Variants in BFSP1 observed in about 807,000 individuals in gnomAD.
BFSP1 encodes filensin.
Under a neutral mutation model 43.9 loss-of-function variants are expected in BFSP1, and 38 were observed. The observed-to-expected ratio is 0.87, with a 90% CI of 0.67 to 1.14. BFSP1 has a LOEUF of 1.14. Among genes scored for constraint, BFSP1 ranks in the 50% most tolerant of loss-of-function variants. BFSP1 has a pLI of 0.00. For synonymous variants in BFSP1, 352 were observed against 354.8 expected (o/e 0.99, Z 0.09); for missense variants, 850 against 875.1 (o/e 0.97, Z 0.36).
upstream of BFSP1, chr20:17,560,222 G>T (rs1184900341): frequency 6.6e-6 from 1 of 152,126 alleles, no homozygotes; most frequent in Non-Finnish European, 1.5e-5. Flanking sequence ...GGTCCATAGG[G>T]TCTAATTTTT....
intron 5 of BFSP1, among the ~76,000 whole-genome samples, chr20:17,508,023 C>T (rs979443344): frequency 1.3e-5 from 2 of 152,208 alleles, no homozygotes; most frequent in African/African-American, 2.4e-5. Context: ...CATTTTTAGA[C>T]AGAGTAACAC....
intron 2 of BFSP1, among the ~76,000 whole-genome samples, 167 bp downstream of exon 2, chr20:17,524,681 A>G (rs2034382777): frequency 2.0e-5 from 3 of 152,148 alleles, no homozygotes; most frequent in Admixed American, 6.5e-5. Context: ...GTGTGAGTTC[A>G]CTCATAAAGA....
At chr20:17,529,466 C>T (rs1258294314) in intron 1 of BFSP1, among the ~76,000 whole-genome samples, 1 of 151,740 alleles carries the variant, frequency 6.6e-6, no homozygotes, top group Non-Finnish European at 1.5e-5. Context: ...AGTTCCTACT[C>T]ACTTATCTCC....
Position 17,494,389 on chromosome 20 carries a change from C to A in BFSP1, c.1683G>T (p.Glu561Asp). 6.2e-7 allele frequency: 1 copy of A among 1,614,252 alleles called. No homozygotes were observed. Among genetic ancestry groups the A allele is most frequent in the South Asian group, 1.1e-5 (1 of 91,084 alleles). ...AELEGPEEKR[E>D]GEERDEESRR... is the part of the protein sequence containing the mutation. ...TGGACTCTTCGTCCCGCTCCTCACC[C>A]TCACGTTTCTCTTCAGGGCCTTCCA... The change falls in exon 8 of 8, where the codon GAG becomes GAT. Residue 561 changes from glutamate (E) to aspartate (D), a missense_variant. Physicochemically the swap from Glu to Asp is conservative, Grantham distance 45 (BLOSUM62 2). Coordinates refer to ENST00000377873, the MANE Select transcript of BFSP1 (RefSeq NM_001195.5).
At chr20:17,500,033 A>C (rs1475950754) in intron 5 of BFSP1, among the ~76,000 whole-genome samples, 1 of 152,250 alleles carries the variant, frequency 6.6e-6, no homozygotes, top group African/African-American at 2.4e-5. Flanking sequence ...AAAATAAGTA[A>C]AAAGAAGCAC....
chr20:17,513,747 TGCCAGGAA>T (rs1174043031), intron 3 of BFSP1, among the ~76,000 whole-genome samples: 2 of 152,308 alleles, frequency 1.3e-5, no homozygotes, highest in Non-Finnish European at 2.9e-5. Flanking sequence ...TGGGCAGTGA[TGCCAGGAA>T]ACATGACGGG....
chr20:17,557,889 G>A (rs2035019710), intron 1 of BFSP1, among the ~76,000 whole-genome samples: 1 of 152,082 alleles, frequency 6.6e-6, no homozygotes, highest in Non-Finnish European at 1.5e-5. Flanking sequence ...TGGATACAAT[G>A]GCCTTTTCAT....
chr20:17,503,402 A>T (rs1039052957), intron 5 of BFSP1, among the ~76,000 whole-genome samples: 2 of 152,158 alleles, frequency 1.3e-5, no homozygotes, highest in Admixed American at 1.3e-4. Flanking sequence ...AAGAGAATGT[A>T]CCCCAGATCA....
intron 5 of BFSP1, among the ~76,000 whole-genome samples, chr20:17,504,910 T>TTTTTTGTTTTTGTTTTTGTTTTTG (rs11473744): frequency 2.2e-5 from 3 of 139,146 alleles, no homozygotes; most frequent in Non-Finnish European, 3.0e-5. Context: ...GTAAGGTTTT[T>TTTTTTGTTTTTGTTTTTGTTTTTG]TTTTTGTTTT....
chr20:17,498,929 G>T lies in BFSP1; in HGVS notation c.847C>A (p.Arg283=). The part of the protein sequence containing the change: ...TLRKEIEETE[R]VLEKSSYDCR... ...TCGTAAGAAGACTTCTCCAGGACCC[G>T]CTCTGTCTCCTCAATCTCCTTGCGC... The change falls in exon 6 of 8, where the codon CGG becomes AGG. Residue 283 remains arginine, a synonymous_variant. Transcript: ENST00000377873. 2 of 1,614,162 alleles carry T rather than the reference G, an allele frequency of 1.2e-6. No homozygotes were observed. The highest frequency in any genetic ancestry group is 1.7e-6 in the Non-Finnish European group (2 of 1,180,030).
In BFSP1 at chr20:17,502,804, C is replaced by T. The variant is rs148950265; in HGVS notation, c.736-3764G>A. On this transcript the variant is annotated intron_variant, in intron 5 of 7. Coordinates refer to ENST00000377873, the MANE Select transcript of BFSP1 (RefSeq NM_001195.5). ...TGTAATAGCAAATACAAGTCAGACA[C>T]ACTAACGCCTGGTGCAGCCACATCT... Among the ~76,000 whole-genome samples the T allele has an allele frequency of 4.0e-3, 602 of 152,260 alleles. 4 individuals carry two copies. Among genetic ancestry groups the T allele is most frequent in the African/African-American group, 0.013 (543 of 41,542 alleles).
At chr20:17,567,816 G>A (rs1340427520) in intron 1 of BFSP1, among the ~76,000 whole-genome samples, 1 of 149,342 alleles carries the variant, frequency 6.7e-6, no homozygotes, top group Non-Finnish European at 1.5e-5. Flanking sequence ...ACCCGAGATC[G>A]CACCATTGCA....
chr20:17,536,151 A>C (rs1464315533), upstream of BFSP1, among the ~76,000 whole-genome samples: 1 of 152,234 alleles, frequency 6.6e-6, no homozygotes, highest in Non-Finnish European at 1.5e-5. Flanking sequence ...TTGAAGGGGA[A>C]AAGAAAAGCA....
At chr20:17,524,719 C>T in intron 2 of BFSP1, 129 bp downstream of exon 2, 1 of 956,012 alleles carries the variant, frequency 1.0e-6, no homozygotes, top group Non-Finnish European at 1.7e-6. Flanking sequence ...AGTCAAGAGA[C>T]AGAGTGACTG....
chr20:17,506,079 C>T (rs1443934943), intron 5 of BFSP1, among the ~76,000 whole-genome samples: 3 of 152,226 alleles, frequency 2.0e-5, no homozygotes, highest in South Asian at 2.1e-4. Context: ...TGAGATGAGA[C>T]GCAGGAAGAG....
At chr20:17,515,025 G>C (rs2034168202) in intron 2 of BFSP1, among the ~76,000 whole-genome samples, 1 of 152,208 alleles carries the variant, frequency 6.6e-6, no homozygotes, top group African/African-American at 2.4e-5. Flanking sequence ...TCTCAACAGA[G>C]GGTGATTTTG....
chr20:17,547,733 TC>T, intron 1 of BFSP1, among the ~76,000 whole-genome samples: 2 of 114,044 alleles, frequency 1.8e-5, no homozygotes, highest in African/African-American at 5.3e-5. Flanking sequence ...TCTTTTTCTT[TC>T]TTTTTTTTTT....
chr20:17,494,538 G>A lies in BFSP1; in HGVS notation c.1534C>T (p.Pro512Ser). ...GGGGGCTTGGGTGACTCAGGAGAGG[G>A]CTCCACCTGGCCGTCATAAAGCACA... is the stretch of plus-strand genomic sequence containing the variant. ...DSVLYDGQVE[P>S]SPESPKPPLE... The change falls in exon 8 of 8, where the codon CCC (proline) becomes TCC (serine). Residue 512 changes from proline to serine, a missense_variant. Physicochemically the swap from Pro to Ser is moderately conservative, Grantham distance 74 (BLOSUM62 -1). Transcript: ENST00000377873. The A allele has an allele frequency of 6.2e-7, 1 of 1,614,184 alleles. No individual in the cohort carries two copies. Among genetic ancestry groups the A allele is most frequent in the African/African-American group, 1.3e-5 (1 of 75,050 alleles).
At chr20:17,505,255 C>T (rs942631668) in intron 5 of BFSP1, among the ~76,000 whole-genome samples, 7 of 152,226 alleles carry the variant, frequency 4.6e-5, no homozygotes. Flanking sequence ...CCATCGTCCG[C>T]CCAGCGTCTC....
Sources: gnomAD v4.1 joint callset for allele counts (sites outside exome capture counted in the v4.1 genomes callset) on GRCh38, gnomAD v4.1.1 for gene constraint, MANE v1.5 for transcripts, NCBI Gene and HGNC (gene_info 2026-07-23, HGNC 2026-07-21) for gene names.